Variants in SMAD1 observed in about 807,000 individuals in gnomAD.
The protein encoded by SMAD1 is MAD, mothers against decapentaplegic homolog 1.
Under a neutral mutation model 41.6 loss-of-function variants are expected in SMAD1, and 6 were observed. The ratio of observed to expected loss-of-function variants is 0.14; its 90% CI spans 0.08 to 0.28. The LOEUF is 0.28. SMAD1 is among the 10% of genes least tolerant of loss of function. SMAD1 has a pLI of 1.00. For synonymous variants in SMAD1, 206 were observed against 203.2 expected, an observed-to-expected ratio of 1.01 and a Z score of -0.12; for missense variants, 379 against 582.6, an observed-to-expected ratio of 0.65 and a Z score of 3.60.
chr4:145,522,461 G>A (rs1388904020), intron 2 of SMAD1, among the ~76,000 whole-genome samples: 1 of 151,758 alleles, frequency 6.6e-6, no homozygotes, highest in Admixed American at 6.6e-5. Flanking sequence ...ATTAGCCCAC[G>A]TGGTGGTGCA....
chr4:145,502,221 A>G (rs540312675), intron 1 of SMAD1, among the ~76,000 whole-genome samples: 2 of 152,302 alleles, frequency 1.3e-5, no homozygotes, highest in African/African-American at 4.8e-5. Context: ...TTGAGTTGAC[A>G]TGAATGTGAA....
At chr4:145,541,452 T>C (rs1731926147) in intron 3 of SMAD1, among the ~76,000 whole-genome samples, 1 of 152,188 alleles carries the variant, frequency 6.6e-6, no homozygotes, top group Non-Finnish European at 1.5e-5. Flanking sequence ...AGGAGGCTCT[T>C]TGTCTTTGTT....
intron 1 of SMAD1, among the ~76,000 whole-genome samples, chr4:145,492,882 T>C (rs1011441250): frequency 1.3e-4 from 20 of 152,384 alleles, no homozygotes; most frequent in African/African-American, 4.6e-4. Context: ...TCTATTCATA[T>C]GCTGCCCATA....
intron 6 of SMAD1, among the ~76,000 whole-genome samples, chr4:145,556,028 TA>T (rs1732817699): frequency 6.6e-6 from 1 of 152,070 alleles, no homozygotes; most frequent in East Asian, 1.9e-4. Context: ...TGTTCTTTAT[TA>T]TAAGGACTGC....
chr4:145,497,418 G>A (rs759418434), intron 1 of SMAD1: 1 of 152,154 alleles, frequency 6.6e-6, no homozygotes, highest in African/African-American at 2.4e-5. Context: ...ATATGATATG[G>A]TTCTCCCATC....
In SMAD1 at chr4:145,514,266, A is replaced by T. The variant is rs1182124024; in HGVS notation, c.-176-172A>T. ...TCTTAGAGGCTCCATCTCCAAATAT[A>T]GTCATACTGAGAGTTAGGGCTTCCG... On this transcript the variant is annotated intron_variant, in intron 1 of 6. Coordinates refer to ENST00000302085, the MANE Select transcript of SMAD1 (RefSeq NM_005900.3). The surrounding 1 kb of genome is among the most constrained non-coding windows in gnomAD (Gnocchi z 4.7). 6.6e-6 allele frequency among the ~76,000 whole-genome samples: 1 copy of T among 152,188 alleles called. No homozygotes were observed. The highest frequency in any genetic ancestry group is 2.4e-5 in the African/African-American group (1 of 41,442).
At chr4:145,501,811 G>T (rs1471356999) in intron 1 of SMAD1, among the ~76,000 whole-genome samples, 1 of 151,736 alleles carries the variant, frequency 6.6e-6, no homozygotes, top group East Asian at 1.9e-4. Context: ...ATATGGTCTG[G>T]AGAAAGTTAC....
At chr4:145,483,564 T>G (rs1249983717) in intron 1 of SMAD1, among the ~76,000 whole-genome samples, 1 of 152,256 alleles carries the variant, frequency 6.6e-6, no homozygotes, top group Non-Finnish European at 1.5e-5. Context: ...AGTGTTATTC[T>G]GATGTAGGTG....
rs545591217 is a variant in SMAD1 at position 145,509,681 on chromosome 4, C to T, written c.-176-4757C>T. Reference sequence around the variant, plus strand: ...CTAGAAAAAAGTTCTTGTTCTTTTGCAAAACTAACCTTTTAGTAAAAGGAA... The same window carrying T: ...CTAGAAAAAAGTTCTTGTTCTTTTGTAAAACTAACCTTTTAGTAAAAGGAA... On this transcript the variant is annotated intron_variant, in intron 1 of 6. Coordinates refer to ENST00000302085, the MANE Select transcript of SMAD1 (RefSeq NM_005900.3). Among the ~76,000 whole-genome samples, 77 of 152,172 alleles carry T rather than the reference C, an allele frequency of 5.1e-4. 1 individual carries two copies. Among genetic ancestry groups the T allele is most frequent in the African/African-American group, 1.8e-3 (74 of 41,532 alleles).
chr4:145,534,001 A>G (rs924450639), intron 2 of SMAD1, among the ~76,000 whole-genome samples: 2 of 152,194 alleles, frequency 1.3e-5, no homozygotes, highest in Non-Finnish European at 2.9e-5. Flanking sequence ...AAATGAGACC[A>G]TGAGCATGGG....
chr4:145,558,084 A>AC lies in SMAD1; in HGVS notation c.*150_*151insC, dbSNP rs1732948490. On this transcript the variant is annotated 3_prime_UTR_variant, in exon 7 of 7. Transcript: ENST00000302085. ...GTTGGATTCAGAAATTTAAACAAAA[A>AC]AAAAAAAAAACACACACACCTTGGT... is the stretch of plus-strand genomic sequence containing the variant. 2 of 404,956 alleles carry AC rather than the reference A, an allele frequency of 4.9e-6. No individual in the cohort carries two copies. The highest frequency in any genetic ancestry group is 8.9e-6 in the Non-Finnish European group (2 of 225,794). The allele number at this position is 404,956 out of a possible 1,614,324, so 25.1% of individuals were successfully genotyped here. A position where few individuals can be genotyped will look rare whatever the true frequency, so the allele number is the denominator to read the frequency against.
intron 1 of SMAD1, chr4:145,497,339 C>G (rs910061680): frequency 6.6e-6 from 1 of 152,178 alleles, no homozygotes; most frequent in Non-Finnish European, 1.5e-5. Flanking sequence ...GTCGCTCTGT[C>G]TGCACGTATG....
intron 1 of SMAD1, among the ~76,000 whole-genome samples, chr4:145,501,679 A>T (rs1729449601): frequency 6.7e-6 from 1 of 149,338 alleles, no homozygotes. Context: ...TTCCTCCTGT[A>T]GTTGATTCCA....
At chr4:145,524,667 G>A (rs1730932646) in intron 2 of SMAD1, among the ~76,000 whole-genome samples, 1 of 151,972 alleles carries the variant, frequency 6.6e-6, no homozygotes, top group African/African-American at 2.4e-5. Flanking sequence ...AGTATTAGGT[G>A]GGCAAGAGAA....
At chr4:145,517,731 A>G (rs79377004) in intron 2 of SMAD1, among the ~76,000 whole-genome samples, 1,507 of 72,302 alleles carry the variant, frequency 0.021, 300 homozygotes, top group South Asian at 0.12. Context: ...TGGTCATTTT[A>G]TGGCTATTAC....
intron 4 of SMAD1, chr4:145,545,553 TTTTTTTGTG>T (rs1019580524): frequency 9.1e-6 from 1 of 109,506 alleles, no homozygotes; most frequent in African/African-American, 3.2e-5. Flanking sequence ...TTCCTTGTTT[TTTTTTTGTG>T]TGTGTGTGTG....
chr4:145,529,012 T>C (rs1262608006), intron 2 of SMAD1, among the ~76,000 whole-genome samples: 1 of 152,238 alleles, frequency 6.6e-6, no homozygotes, highest in African/African-American at 2.4e-5. Context: ...CAGCTTGGTA[T>C]GTGGCACTTG....
At chr4:145,536,226 T>C (rs76853013) in intron 2 of SMAD1, among the ~76,000 whole-genome samples, 2,208 of 152,152 alleles carry the variant, frequency 0.015, 66 homozygotes, top group African/African-American at 0.05. Context: ...CAATTTCCAG[T>C]ACACACACGC....
rs1728274035 is a variant in SMAD1, at chr4:145,482,916, CG to C, written c.-177+879del. 6.6e-6 allele frequency: 1 copy of C among 152,060 alleles called. No homozygotes were observed. The highest frequency in any genetic ancestry group is 2.4e-5 in the African/African-American group (1 of 41,350). 9.4% of individuals were successfully genotyped at this position (152,060 alleles called of 1,614,324 possible). On this transcript the variant is annotated intron_variant, in intron 1 of 6. Transcript: ENST00000302085. The surrounding 1 kb of genome is among the most constrained non-coding windows in gnomAD (Gnocchi z 4.2). Reference sequence around the variant, plus strand: ...TCTGTAGGAAGGTGGGGGTGGTGGGCGTGAGAGACAGATGTGGGCTTGTTTT... The same window carrying C: ...TCTGTAGGAAGGTGGGGGTGGTGGGCTGAGAGACAGATGTGGGCTTGTTTT...
Sources: allele counts gnomAD v4.1 joint callset (sites outside exome capture counted in the v4.1 genomes callset), GRCh38; gene constraint gnomAD v4.1.1; non-coding constraint Gnocchi (gnomAD v3.1); transcripts MANE v1.5; gene names NCBI Gene and HGNC (gene_info 2026-07-23, HGNC 2026-07-21).